CYRIA: variants seen among roughly 807,000 people sequenced by gnomAD.
CYRIA encodes the protein CYFIP related Rac1 interactor A.
In CYRIA, 15 loss-of-function variants were observed where a neutral mutation model predicts 43.9. The ratio of observed to expected loss-of-function variants is 0.34; its 90% confidence interval spans 0.23 to 0.53. The LOEUF is 0.53. Ranked by LOEUF, CYRIA falls within the 20% of genes least tolerant of loss-of-function variation. CYRIA has a pLI of 0.94. For synonymous variants in CYRIA, 117 were observed against 136.0 expected, an observed-to-expected ratio of 0.86 and a Z score of 0.97; for missense variants, 236 against 394.2, an observed-to-expected ratio of 0.60 and a Z score of 3.40.
chr2:16,584,844 A>G (rs1248170839), intron 3 of CYRIA, among the ~76,000 whole-genome samples: 4 of 152,048 alleles, frequency 2.6e-5, no homozygotes, highest in Non-Finnish European at 5.9e-5. Flanking sequence ...TCCAAATGCC[A>G]CCTCTTGCAA....
intron 1 of CYRIA, among the ~76,000 whole-genome samples, chr2:16,662,941 C>A (rs1057373495): frequency 1.6e-4 from 25 of 152,154 alleles, no homozygotes; most frequent in Admixed American, 6.5e-5. Flanking sequence ...ATTTTTCGAA[C>A]CCCTAGTTCC....
At chr2:16,644,539 G>A (rs73918633) in intron 1 of CYRIA, among the ~76,000 whole-genome samples, 2,372 of 152,254 alleles carry the variant, frequency 0.016, 71 homozygotes, top group African/African-American at 0.053. Context: ...CACTGTTGCT[G>A]GGGCTTAACT....
intron 2 of CYRIA, among the ~76,000 whole-genome samples, chr2:16,605,293 A>C (rs1553343076): frequency 5.3e-5 from 8 of 152,246 alleles, no homozygotes; most frequent in Non-Finnish European, 1.2e-4. Flanking sequence ...CCAAGAAATG[A>C]GGGCAAAATT....
At chr2:16,588,271 A>C (rs1474045173) in intron 2 of CYRIA, 142 bp from the exon 3 acceptor site, 5 of 550,788 alleles carry the variant, frequency 9.1e-6, no homozygotes, top group Non-Finnish European at 1.6e-5. Context: ...ATAATGTAGC[A>C]ACTCATTTCT....
intron 3 of CYRIA, among the ~76,000 whole-genome samples, chr2:16,585,344 G>A (rs1572481342): frequency 6.6e-6 from 1 of 152,076 alleles, no homozygotes; most frequent in African/African-American, 2.4e-5. Context: ...AGCACTTAGG[G>A]GAAGTAAAAC....
chr2:16,554,284 T>C (rs1666423554), intron 11 of CYRIA, among the ~76,000 whole-genome samples: 1 of 152,120 alleles, frequency 6.6e-6, no homozygotes, highest in South Asian at 2.1e-4. Context: ...ACAGGGACCA[T>C]AAACCTTCTG....
At position 16,565,783 on chromosome 2, in the gene CYRIA, A is replaced by C; in HGVS notation, c.71-16T>G. 1 of 1,547,768 alleles carries C rather than the reference A, an allele frequency of 6.5e-7. No individual in the cohort carries two copies. Among genetic ancestry groups the C allele is most frequent in the Non-Finnish European group, 8.8e-7 (1 of 1,132,882 alleles). On this transcript the variant is annotated splice_polypyrimidine_tract_variant and intron_variant, in intron 3 of 11. Coordinates refer to ENST00000381323, the MANE Select transcript of CYRIA (RefSeq NM_030797.4). ...GGCTGAGCATCTAAGAAACAGGGAA[A>C]CCGAGAGACAGAGTGCTGGTGTTTA...
intron 2 of CYRIA, among the ~76,000 whole-genome samples, chr2:16,613,470 G>A (rs1048388283): frequency 6.6e-6 from 1 of 151,000 alleles, no homozygotes; most frequent in African/African-American, 2.5e-5. Flanking sequence ...CTGAGTGTCA[G>A]CCCTGCACTC....
chr2:16,641,085 T>C (rs1669663627), intron 1 of CYRIA, among the ~76,000 whole-genome samples: 1 of 152,142 alleles, frequency 6.6e-6, no homozygotes, highest in African/African-American at 2.4e-5. Flanking sequence ...TGCTCCCACT[T>C]CTGTTGCCCT....
At chr2:16,652,179 A>G (rs1216094843) in intron 1 of CYRIA, among the ~76,000 whole-genome samples, 1 of 152,126 alleles carries the variant, frequency 6.6e-6, no homozygotes, top group East Asian at 1.9e-4. Flanking sequence ...TCCTTTGTGA[A>G]AATTCCCTAA....
rs778888630 is a variant in CYRIA at position 16,564,079 on chromosome 2, T to C, written c.208A>G (p.Asn70Asp). Residue 70 changes from asparagine (N) to aspartate (D), a missense_variant, in exon 5 of 12, where the codon AAT becomes GAT. Coordinates refer to ENST00000381323, the MANE Select transcript of CYRIA (RefSeq NM_030797.4). Reference protein sequence around the residue: ...PEIRDAIQNPNDIQLQEKAWN... With the variant: ...PEIRDAIQNPDDIQLQEKAWN... Reference sequence around the variant, plus strand: ...GCTTTTTCTTGAAGCTGAATGTCATTGGGATTTTGAATTGCCTGCAAAAAC... The same window carrying C: ...GCTTTTTCTTGAAGCTGAATGTCATCGGGATTTTGAATTGCCTGCAAAAAC... The C allele has an allele frequency of 6.2e-7, 1 of 1,613,492 alleles. No individual in the cohort carries two copies. Among genetic ancestry groups the C allele is most frequent in the South Asian group, 1.1e-5 (1 of 91,058 alleles).
intron 1 of CYRIA, among the ~76,000 whole-genome samples, chr2:16,654,570 C>T (rs747845860): frequency 2.6e-5 from 4 of 152,138 alleles, no homozygotes; most frequent in Non-Finnish European, 2.9e-5. Context: ...AGTTTTAGAG[C>T]CAGGCCGACT....
intron 1 of CYRIA, among the ~76,000 whole-genome samples, chr2:16,651,875 G>A (rs974249530): frequency 6.6e-6 from 1 of 152,120 alleles, no homozygotes; most frequent in Non-Finnish European, 1.5e-5. Context: ...CTTCAGATAA[G>A]GTTCTTCAAG....
chr2:16,606,416 A>C (rs373925974), intron 2 of CYRIA, among the ~76,000 whole-genome samples: 131 of 149,698 alleles, frequency 8.8e-4, no homozygotes, highest in African/African-American at 3.1e-3. Flanking sequence ...TCCTCCTCCC[A>C]CTCTTATATT....
chr2:16,623,592 T>A (rs1430981380), intron 2 of CYRIA, among the ~76,000 whole-genome samples: 1 of 152,140 alleles, frequency 6.6e-6, no homozygotes, highest in Admixed American at 6.5e-5. Context: ...ACTAAATGAT[T>A]CTGCAAGGAA....
chr2:16,627,274 G>A (rs1362326911), intron 1 of CYRIA, among the ~76,000 whole-genome samples: 4 of 152,230 alleles, frequency 2.6e-5, no homozygotes, highest in African/African-American at 9.6e-5. Context: ...CTCCGGGGTG[G>A]GCAATCAAGG....
At chr2:16,646,196 G>A (rs752383233) in intron 1 of CYRIA, among the ~76,000 whole-genome samples, 1 of 152,116 alleles carries the variant, frequency 6.6e-6, no homozygotes, top group Non-Finnish European at 1.5e-5. Context: ...GTACACTTGT[G>A]GTCTAAGGAG....
chr2:16,561,002 A>G lies in CYRIA; in HGVS notation c.698T>C (p.Met233Thr). The G allele has an allele frequency of 6.2e-7, 1 of 1,613,748 alleles. No individual in the cohort carries two copies. The highest frequency in any genetic ancestry group is 8.5e-7 in the Non-Finnish European group (1 of 1,179,714). ...TGATTTAACTTACGGAGTTTCCAGC[A>G]TGACTTTACAGACACTTGTCATTGT... ...LSTMTSVCKV[M>T]LETPEYRSRF... Residue 233 changes from methionine to threonine, a missense_variant, in exon 9 of 12, where the codon ATG (methionine) becomes ACG (threonine). Physicochemically the swap from Met to Thr is moderately conservative, Grantham distance 81. Coordinates refer to ENST00000381323, the MANE Select transcript of CYRIA (RefSeq NM_030797.4).
intron 1 of CYRIA, among the ~76,000 whole-genome samples, chr2:16,636,117 G>A (rs945748159): frequency 2.0e-5 from 3 of 152,028 alleles, no homozygotes; most frequent in African/African-American, 7.3e-5. Context: ...GAAAGTAGGG[G>A]GTGAGGTGTA....
Sources: allele counts gnomAD v4.1 joint callset (sites outside exome capture counted in the v4.1 genomes callset), GRCh38; gene constraint gnomAD v4.1.1; transcripts MANE v1.5; gene names NCBI Gene and HGNC (gene_info 2026-07-23, HGNC 2026-07-21).